The following ASTN1 variants were observed in gnomAD, a reference collection of about 807,000 sequenced individuals.
The protein encoded by ASTN1 is astrotactin 1.
In ASTN1, 41 loss-of-function variants were observed where a neutral mutation model predicts 140.7. The ratio of observed to expected loss-of-function variants is 0.29; its 90% CI spans 0.23 to 0.38. The LOEUF (loss-of-function observed/expected upper bound fraction) is 0.38. Among genes scored for constraint, ASTN1 ranks in the 10% least tolerant of loss-of-function variants. The pLI is 1.00. For synonymous variants in ASTN1, 640 were observed against 652.2 expected, an observed-to-expected ratio of 0.98 and a Z score of 0.29; for missense variants, 1,479 against 1,678.8, an observed-to-expected ratio of 0.88 and a Z score of 2.08.
intron 22 of ASTN1, among the ~76,000 whole-genome samples, chr1:176,866,108 G>T (rs2103009448): frequency 6.6e-6 from 1 of 152,238 alleles, no homozygotes; most frequent in African/African-American, 2.4e-5. Context: ...AGGTTTCAAA[G>T]AACAATAGCC....
intron 14 of ASTN1, among the ~76,000 whole-genome samples, chr1:176,937,898 G>C (rs1045234018): frequency 2.6e-5 from 4 of 152,136 alleles, no homozygotes; most frequent in Admixed American, 1.3e-4. Flanking sequence ...TGGATGAAGA[G>C]TAGGTAGGAT....
chr1:177,050,795 C>T (rs1677503499), intron 2 of ASTN1, among the ~76,000 whole-genome samples: 1 of 152,156 alleles, frequency 6.6e-6, no homozygotes, highest in Non-Finnish European at 1.5e-5. Context: ...CAAAAACCAA[C>T]TTTATTATGA....
At chr1:176,892,577 C>T (rs1409847469) in intron 17 of ASTN1, among the ~76,000 whole-genome samples, 1 of 152,086 alleles carries the variant, frequency 6.6e-6, no homozygotes, top group East Asian at 1.9e-4. Context: ...GTTTGAGATA[C>T]CTGGTTCATT....
At chr1:177,104,921 CACTACCTTTCATGAAGTATCATTTTG>C (rs1463088575) in intron 1 of ASTN1, among the ~76,000 whole-genome samples, 55 of 152,300 alleles carry the variant, frequency 3.6e-4, no homozygotes, top group African/African-American at 1.3e-3. Flanking sequence ...TCTTGATCAC[CACTACCTTTCATGAAGTATCATTTTG>C]AAATGAGTTC....
At chr1:177,116,671 C>T (rs1571807416) in intron 1 of ASTN1, among the ~76,000 whole-genome samples, 2 of 152,294 alleles carry the variant, frequency 1.3e-5, no homozygotes, top group South Asian at 2.1e-4. Flanking sequence ...TGAAATAATA[C>T]TAGTGCCTTT....
chr1:177,015,022 T>A (rs1253183074), intron 7 of ASTN1, 147 bp from the exon 8 acceptor site: 2 of 663,526 alleles, frequency 3.0e-6, no homozygotes, highest in Non-Finnish European at 5.3e-6. Context: ...TTATGTCATA[T>A]ACTCCCCTCT....
chr1:177,032,768 G>A lies in ASTN1; in HGVS notation c.553C>T (p.Arg185Trp), dbSNP rs1471881730. 6 of 1,613,362 alleles carry A rather than the reference G, an allele frequency of 3.7e-6. No individual in the cohort carries two copies. Among genetic ancestry groups the A allele is most frequent in the African/African-American group, 1.3e-5 (1 of 75,048 alleles). ...GCACTCTTCTGGGGCTGCGGGACCC[G>A]GCGGCGTTTGCACCAGCGCCGGCGA... ...YTRRRWCKRR[R>W]VPQPQKSASA... The change falls in exon 3 of 23, where the codon CGG becomes TGG. Residue 185 changes from arginine (R) to tryptophan (W), a missense_variant. Coordinates refer to ENST00000361833, the MANE Select transcript of ASTN1 (RefSeq NM_004319.3).
rs552821131 is a variant in ASTN1 at position 177,062,242 on chromosome 1, T to C, written c.284-977A>G. ...CCATTGCTTTACAAAATTTTTCTTT[T>C]TTTTTTTCTTTTTTTTAAGCAAGGG... On this transcript the variant is annotated intron_variant, in intron 1 of 22. Coordinates refer to ENST00000361833, the MANE Select transcript of ASTN1 (RefSeq NM_004319.3). 8.5e-5 allele frequency among the ~76,000 whole-genome samples: 13 copies of C among 152,066 alleles called. No homozygotes were observed. In the South Asian group the frequency reaches 1.9e-3, roughly 22 times the overall value.
chr1:177,025,383 GA>G (rs1285838397), intron 5 of ASTN1, among the ~76,000 whole-genome samples: 1 of 152,210 alleles, frequency 6.6e-6, no homozygotes, highest in Non-Finnish European at 1.5e-5. Flanking sequence ...CACTCCTGGG[GA>G]GGTGGAAATA....
In ASTN1 at chr1:177,138,137, C is replaced by T. The variant is rs534302851; in HGVS notation, c.283+26257G>A. 2.0e-5 allele frequency among the ~76,000 whole-genome samples: 3 copies of T among 152,280 alleles called. No individual in the cohort carries two copies. The South Asian group carries it at 6.2e-4, about 32-fold the overall frequency. On this transcript the variant is annotated intron_variant, in intron 1 of 22. Coordinates refer to ENST00000361833, the MANE Select transcript of ASTN1 (RefSeq NM_004319.3). ...CTAGGGGAAAAGGGAACCCAACCAT[C>T]AGGGAGAAAGAAAGATGCCACTTTT... is the stretch of plus-strand genomic sequence containing the variant.
At chr1:177,148,820 A>C (rs1165357049) in intron 1 of ASTN1, among the ~76,000 whole-genome samples, 3 of 151,872 alleles carry the variant, frequency 2.0e-5, no homozygotes, top group Admixed American at 6.6e-5. Context: ...ATCAATGGTG[A>C]CCTCAGTGCA....
chr1:176,901,303 G>A (rs1458383184), intron 16 of ASTN1, among the ~76,000 whole-genome samples: 1 of 152,230 alleles, frequency 6.6e-6, no homozygotes, highest in Non-Finnish European at 1.5e-5. Flanking sequence ...CCCTTGGGAT[G>A]TGAGCACTTA....
intron 17 of ASTN1, among the ~76,000 whole-genome samples, chr1:176,894,335 G>A (rs1418540267): frequency 6.6e-6 from 1 of 152,230 alleles, no homozygotes; most frequent in African/African-American, 2.4e-5. Context: ...GTGCTCAGTT[G>A]TGACTCCTGA....
At chr1:177,072,562 C>T (rs1044180950) in intron 1 of ASTN1, among the ~76,000 whole-genome samples, 1 of 152,190 alleles carries the variant, frequency 6.6e-6, no homozygotes, top group African/African-American at 2.4e-5. Context: ...TACAAGGTCA[C>T]TTGATTGCTA....
chr1:176,984,053 G>A (rs1481682980), intron 8 of ASTN1, among the ~76,000 whole-genome samples: 6 of 152,324 alleles, frequency 3.9e-5, no homozygotes, highest in East Asian at 1.9e-4. Flanking sequence ...TCCAGTGATT[G>A]TAACAGCCCA....
chr1:177,062,779 T>C (rs991977553), intron 1 of ASTN1, among the ~76,000 whole-genome samples: 7 of 152,152 alleles, frequency 4.6e-5, no homozygotes, highest in South Asian at 2.1e-4. Context: ...ATTTATCGAT[T>C]GGTTTGTTTA....
chr1:176,975,800 C>T (rs1361966740), intron 8 of ASTN1, among the ~76,000 whole-genome samples: 1 of 152,126 alleles, frequency 6.6e-6, no homozygotes, highest in Non-Finnish European at 1.5e-5. Flanking sequence ...TTTGATGGCT[C>T]TCATTTCACC....
rs1680785869 is a variant in ASTN1 at position 177,110,730 on chromosome 1, T to A, written c.284-49465A>T. On this transcript the variant is annotated intron_variant, in intron 1 of 22. Coordinates refer to ENST00000361833, the MANE Select transcript of ASTN1 (RefSeq NM_004319.3). ...AATCCCAAAGAGATTAGACAATGCC[T>A]CCAGGTCACACATTAGTAAATGGCA... 2.0e-5 allele frequency among the ~76,000 whole-genome samples: 3 copies of A among 152,138 alleles called. No homozygotes were observed. The South Asian group carries it at 6.2e-4, about 32-fold the overall frequency.
intron 14 of ASTN1, among the ~76,000 whole-genome samples, chr1:176,938,651 T>C (rs1221643049): frequency 6.6e-6 from 1 of 152,228 alleles, no homozygotes; most frequent in Admixed American, 6.5e-5. Flanking sequence ...GAGTTTTAGG[T>C]GAGATGATCT....
Sources: gnomAD v4.1 joint callset for allele counts (sites outside exome capture counted in the v4.1 genomes callset) on GRCh38, gnomAD v4.1.1 for gene constraint, MANE v1.5 for transcripts, NCBI Gene and HGNC (gene_info 2026-07-23, HGNC 2026-07-21) for gene names.